The following CHL1 variants were observed in gnomAD, a reference collection of about 807,000 sequenced individuals.
CHL1 encodes the protein neural cell adhesion molecule L1-like protein.
In CHL1, 96 loss-of-function variants were observed where a neutral mutation model predicts 141.9. The ratio of observed to expected loss-of-function variants is 0.68; its 90% confidence interval spans 0.57 to 0.80. CHL1 has a LOEUF of 0.80. CHL1 is among the 30% of genes least tolerant of loss of function. The probability of loss-of-function intolerance (pLI) is 0.00; values close to 1 mark genes in which losing one functional copy is unlikely to be tolerated. For synonymous variants in CHL1, 613 were observed against 502.2 expected (o/e 1.22, Z -2.95); for missense variants, 1,820 against 1,457.2 (o/e 1.25, Z -4.05).
Position 208,075 on chromosome 3 carries a change from A to ATAC in CHL1, c.-175+11013_-175+11015dup, listed in dbSNP as rs577647363. Among the ~76,000 whole-genome samples, 3 of 152,300 alleles carry ATAC rather than the reference A, an allele frequency of 2.0e-5. No individual in the cohort carries two copies. In the South Asian group the frequency reaches 6.2e-4, roughly 32 times the overall value. ...TGGTTTGGATCAGAAATTGATCTCC[A>ATAC]TACACAAGACCTTCTTTTGAAAACT... On this transcript the variant is annotated intron_variant, in intron 1 of 27. Coordinates refer to ENST00000256509, the MANE Select transcript of CHL1 (RefSeq NM_006614.4).
At chr3:302,683 A>G (rs1287833789) in intron 2 of CHL1, among the ~76,000 whole-genome samples, 1 of 152,060 alleles carries the variant, frequency 6.6e-6, no homozygotes, top group Non-Finnish European at 1.5e-5. Context: ...TTTTCTCCCA[A>G]TCTGTAGGTT....
intron 15 of CHL1, among the ~76,000 whole-genome samples, chr3:375,766 C>A (rs1391161727): frequency 6.6e-6 from 1 of 151,944 alleles, no homozygotes; most frequent in Middle Eastern, 3.2e-3. Flanking sequence ...TATTGTTATC[C>A]CCATTTTTCA....
intron 1 of CHL1, among the ~76,000 whole-genome samples, chr3:243,657 G>T (rs2125105885): frequency 6.6e-6 from 1 of 152,234 alleles, no homozygotes; most frequent in Middle Eastern, 3.4e-3. Flanking sequence ...ACAGCTTTTG[G>T]AATAAGGCCA....
intron 1 of CHL1, among the ~76,000 whole-genome samples, chr3:201,743 G>A (rs1472399290): frequency 1.3e-5 from 2 of 152,138 alleles, no homozygotes; most frequent in East Asian, 3.9e-4. Context: ...CTTTGACCAG[G>A]GTTTCTTCTC....
At chr3:309,583 C>A (rs1056898159) in intron 2 of CHL1, among the ~76,000 whole-genome samples, 1 of 151,668 alleles carries the variant, frequency 6.6e-6, no homozygotes, top group Non-Finnish European at 1.5e-5. Context: ...AATCATAGCT[C>A]ACTCTAGCCC....
chr3:249,116 C>T (rs528933446), intron 2 of CHL1, among the ~76,000 whole-genome samples: 10 of 152,278 alleles, frequency 6.6e-5, no homozygotes, highest in South Asian at 6.2e-4. Context: ...ACTGCACACG[C>T]GTGCAGAGAT....
At chr3:222,234 GTACCTTTCTA>G (rs1028009737) in intron 1 of CHL1, among the ~76,000 whole-genome samples, 1 of 152,152 alleles carries the variant, frequency 6.6e-6, no homozygotes, top group African/African-American at 2.4e-5. Context: ...CAGCAGGGCT[GTACCTTTCTA>G]GAAGCTCTAG....
chr3:223,446 G>A (rs189948331), intron 1 of CHL1, among the ~76,000 whole-genome samples: 256 of 152,228 alleles, frequency 1.7e-3, no homozygotes, highest in African/African-American at 5.7e-3. Flanking sequence ...GTTTTGGCAC[G>A]TTGTCAGAAC....
chr3:284,927 G>A (rs1204491812), intron 2 of CHL1, among the ~76,000 whole-genome samples: 5 of 152,048 alleles, frequency 3.3e-5, no homozygotes, highest in African/African-American at 4.8e-5. Flanking sequence ...CTATTATATC[G>A]TTGTTTGACG....
intron 19 of CHL1, among the ~76,000 whole-genome samples, chr3:385,993 A>G (rs1325833376): frequency 2.0e-5 from 3 of 152,076 alleles, no homozygotes; most frequent in African/African-American, 7.2e-5. Context: ...TTGATGTGTC[A>G]GAGATCTAAT....
intron 1 of CHL1, among the ~76,000 whole-genome samples, chr3:231,575 CTT>C (rs5845954): frequency 2.1e-3 from 207 of 100,532 alleles, no homozygotes; most frequent in East Asian, 6.1e-3. Flanking sequence ...TTATTTCTTC[CTT>C]TTTTTTTTTT....
intron 1 of CHL1, among the ~76,000 whole-genome samples, chr3:232,399 A>G (rs1268844364): frequency 1.3e-5 from 2 of 152,202 alleles, no homozygotes; most frequent in African/African-American, 4.8e-5. Context: ...TTAGCATATT[A>G]TTATAGTAAA....
At chr3:293,699 C>T (rs778128669) in intron 2 of CHL1, among the ~76,000 whole-genome samples, 2 of 152,048 alleles carry the variant, frequency 1.3e-5, no homozygotes, top group African/African-American at 4.8e-5. Flanking sequence ...TCAAAGATTC[C>T]AAATGATGAT....
At chr3:199,687 A>G (rs1698742074) in intron 1 of CHL1, among the ~76,000 whole-genome samples, 1 of 152,210 alleles carries the variant, frequency 6.6e-6, no homozygotes, top group Non-Finnish European at 1.5e-5. Context: ...CATCACAAAG[A>G]TCCTTAGTGA....
intron 2 of CHL1, among the ~76,000 whole-genome samples, chr3:271,364 A>C (rs968862263): frequency 1.3e-5 from 2 of 152,216 alleles, no homozygotes; most frequent in Non-Finnish European, 2.9e-5. Flanking sequence ...GCTTGAGCCC[A>C]GCAGTTGGAG....
intron 3 of CHL1, among the ~76,000 whole-genome samples, chr3:323,837 C>T (rs537019170): frequency 3.9e-5 from 6 of 151,992 alleles, no homozygotes; most frequent in Non-Finnish European, 8.8e-5. Context: ...TGCACTGCAG[C>T]CTGCATGAGT....
intron 15 of CHL1, among the ~76,000 whole-genome samples, chr3:370,783 C>T (rs185850874): frequency 6.6e-6 from 1 of 152,280 alleles, no homozygotes; most frequent in Non-Finnish European, 1.5e-5. Context: ...TTAGCTGTGT[C>T]CCACAGACTC....
chr3:251,098 T>G (rs1693653204), intron 2 of CHL1, among the ~76,000 whole-genome samples: 1 of 152,146 alleles, frequency 6.6e-6, no homozygotes, highest in Non-Finnish European at 1.5e-5. Flanking sequence ...TGACCTGTGG[T>G]GGTCAGAGAA....
chr3:235,380 A>G lies in CHL1; in HGVS notation c.-174-9233A>G, dbSNP rs185407305. ...GTTAAATGAAGGACATTAAAAAAAAAGCAAAACCGTATCTACCTCATGGGT... is the reference window on the plus strand; with the variant it reads ...GTTAAATGAAGGACATTAAAAAAAAGGCAAAACCGTATCTACCTCATGGGT... On this transcript the variant is annotated intron_variant, in intron 1 of 27. Coordinates refer to ENST00000256509, the MANE Select transcript of CHL1 (RefSeq NM_006614.4). Among the ~76,000 whole-genome samples, 337 of 152,292 alleles carry G rather than the reference A, an allele frequency of 2.2e-3. 1 individual carries two copies. Among genetic ancestry groups the G allele is most frequent in the Admixed American group, 7.1e-3 (109 of 15,274 alleles).
Sources: allele counts gnomAD v4.1 joint callset (sites outside exome capture counted in the v4.1 genomes callset), GRCh38; gene constraint gnomAD v4.1.1; transcripts MANE v1.5; gene names NCBI Gene and HGNC (gene_info 2026-07-23, HGNC 2026-07-21).